SLC24A2: variants seen among roughly 807,000 people sequenced by gnomAD.
SLC24A2 encodes sodium/potassium/calcium exchanger 2.
A neutral mutation model predicts 62.0 loss-of-function variants in SLC24A2; 36 were observed. The observed-to-expected ratio is 0.58, with a 90% CI of 0.44 to 0.77. The LOEUF is 0.77. SLC24A2 is among the 30% of genes least tolerant of loss of function. The pLI is 0.00. For missense variants in SLC24A2, 846 were observed against 817.9 expected (o/e 1.03, Z -0.42); for synonymous variants, 358 against 294.0 (o/e 1.22, Z -2.23).
the SLC24A2 span, among the ~76,000 whole-genome samples, chr9:20,217,240 A>G: frequency 2.6e-5 from 4 of 152,196 alleles, no homozygotes; most frequent in African/African-American, 7.2e-5. Flanking sequence ...ATGATTCCAT[A>G]TATATAAAAT....
At chr9:19,773,043 A>C (rs1399553970) in intron 2 of SLC24A2, among the ~76,000 whole-genome samples, 1 of 152,200 alleles carries the variant, frequency 6.6e-6, no homozygotes, top group African/African-American at 2.4e-5. Flanking sequence ...CATTACGCTA[A>C]ATGAAAGCAG....
chr9:19,566,117 A>G (rs10757077), intron 7 of SLC24A2, among the ~76,000 whole-genome samples: 110,693 of 151,990 alleles, frequency 0.73, 42,184 homozygotes, highest in East Asian at 1. Context: ...TGACAAATGG[A>G]ATCGAATTAA....
the SLC24A2 span, among the ~76,000 whole-genome samples, chr9:20,063,236 C>T: frequency 6.6e-6 from 1 of 151,292 alleles, no homozygotes; most frequent in Non-Finnish European, 1.5e-5. Flanking sequence ...AGACTTGGAA[C>T]CCACCCAAAT....
chr9:19,792,155 A>T (rs979880339), upstream of SLC24A2, among the ~76,000 whole-genome samples: 1 of 152,218 alleles, frequency 6.6e-6, no homozygotes, highest in African/African-American at 2.4e-5. Flanking sequence ...ATGATTTAAA[A>T]TAGGTTAGGA....
At chr9:19,740,341 G>C (rs572250873) in intron 2 of SLC24A2, among the ~76,000 whole-genome samples, 10 of 152,190 alleles carry the variant, frequency 6.6e-5, no homozygotes, top group African/African-American at 2.4e-4. Flanking sequence ...GTACATCAAT[G>C]GTAGAATGGA....
chr9:20,153,430 C>A, the SLC24A2 span, among the ~76,000 whole-genome samples: 1 of 151,880 alleles, frequency 6.6e-6, no homozygotes, highest in African/African-American at 2.4e-5. Flanking sequence ...TCAAGTCAGA[C>A]ATGAACTTCA....
At chr9:19,878,308 C>T in the SLC24A2 span, among the ~76,000 whole-genome samples, 1 of 152,110 alleles carries the variant, frequency 6.6e-6, no homozygotes, top group South Asian at 2.1e-4. Flanking sequence ...GGATTGGATG[C>T]AGGTTTCCTA....
intron 5 of SLC24A2, among the ~76,000 whole-genome samples, chr9:19,596,602 AG>A (rs752647726): frequency 6.6e-6 from 1 of 152,144 alleles, no homozygotes; most frequent in Non-Finnish European, 1.5e-5. Context: ...ATCTCTACTC[AG>A]AGAAAATGGT....
At chr9:20,047,963 G>A in the SLC24A2 span, among the ~76,000 whole-genome samples, 1 of 152,094 alleles carries the variant, frequency 6.6e-6, no homozygotes, top group East Asian at 1.9e-4. Flanking sequence ...TAGTAGTTAG[G>A]TTGAAGTTAA....
chr9:19,641,250 C>A (rs1213135821), intron 2 of SLC24A2, among the ~76,000 whole-genome samples: 2 of 152,184 alleles, frequency 1.3e-5, no homozygotes, highest in Admixed American at 1.3e-4. Flanking sequence ...GGAACTCTGC[C>A]CTCTTGTGTT....
chr9:20,142,892 G>A, the SLC24A2 span, among the ~76,000 whole-genome samples: 3 of 152,150 alleles, frequency 2.0e-5, no homozygotes, highest in Non-Finnish European at 2.9e-5. Flanking sequence ...CACCGTGCCC[G>A]GCCTTTCCAT....
At chr9:19,952,302 A>G in the SLC24A2 span, among the ~76,000 whole-genome samples, 3 of 152,022 alleles carry the variant, frequency 2.0e-5, no homozygotes, top group Non-Finnish European at 4.4e-5. Context: ...CAAGGCTTTT[A>G]TTCATTTCTC....
the SLC24A2 span, among the ~76,000 whole-genome samples, chr9:20,251,121 C>T: frequency 4.6e-5 from 7 of 152,254 alleles, no homozygotes; most frequent in East Asian, 1.9e-4. Context: ...CTTTATATGA[C>T]GAGGAAAGCC....
At chr9:20,011,964 T>C in the SLC24A2 span, among the ~76,000 whole-genome samples, 1 of 152,068 alleles carries the variant, frequency 6.6e-6, no homozygotes, top group Non-Finnish European at 1.5e-5. Context: ...AATAGATGCA[T>C]AAAAACTGAC....
the SLC24A2 span, among the ~76,000 whole-genome samples, chr9:20,055,762 C>A: frequency 6.6e-6 from 1 of 151,980 alleles, no homozygotes; most frequent in African/African-American, 2.4e-5. Context: ...GTGGTGGGAG[C>A]CTGTAACCCC....
chr9:20,283,155 C>G, the SLC24A2 span, among the ~76,000 whole-genome samples: 2 of 152,074 alleles, frequency 1.3e-5, no homozygotes, highest in Admixed American at 1.3e-4. Flanking sequence ...TCGGATAGGT[C>G]GAAAAAATCA....
the SLC24A2 span, among the ~76,000 whole-genome samples, chr9:20,032,854 AAC>A: frequency 1.3e-5 from 2 of 152,100 alleles, no homozygotes. Context: ...GGGATGGAAA[AAC>A]ACAGTGTATT....
the SLC24A2 span, among the ~76,000 whole-genome samples, chr9:20,225,136 C>A: frequency 6.6e-6 from 1 of 152,068 alleles, no homozygotes; most frequent in African/African-American, 2.4e-5. Context: ...GGCTTTGCTG[C>A]TAGGGAACCT....
At chr9:19,521,866 T>C (rs1563929314) in intron 9 of SLC24A2, among the ~76,000 whole-genome samples, 1 of 73,066 alleles carries the variant, frequency 1.4e-5, no homozygotes, top group Non-Finnish European at 2.9e-5. Flanking sequence ...CTTTTTTTCT[T>C]TTTTTTTCTT....
Sources: gnomAD v4.1 joint callset for allele counts (sites outside exome capture counted in the v4.1 genomes callset) on GRCh38, gnomAD v4.1.1 for gene constraint, MANE v1.5 for transcripts, NCBI Gene and HGNC (gene_info 2026-07-23, HGNC 2026-07-21) for gene names.